The following CDH12 variants were observed in gnomAD, a reference collection of about 807,000 sequenced individuals.
CDH12 encodes cadherin-12.
In CDH12, 41 loss-of-function variants were observed where a neutral mutation model predicts 74.1. That is an observed-to-expected ratio of 0.55 (90% CI 0.43 to 0.72). The LOEUF (loss-of-function observed/expected upper bound fraction) is 0.72. Ranked by LOEUF, CDH12 falls within the 30% of genes least tolerant of loss-of-function variation. The probability of loss-of-function intolerance (pLI) is 0.00; values close to 1 mark genes in which losing one functional copy is unlikely to be tolerated. For synonymous variants in CDH12, 399 were observed against 355.0 expected (o/e 1.12, Z -1.39); for missense variants, 945 against 977.2 (o/e 0.97, Z 0.44).
chr5:22,054,740 T>C (rs1484638298), intron 5 of CDH12, among the ~76,000 whole-genome samples: 2 of 152,128 alleles, frequency 1.3e-5, no homozygotes, highest in African/African-American at 4.8e-5. Context: ...CAGTCTCTGA[T>C]TGAGGCCAAA....
At chr5:21,780,229 C>T (rs1221857653) in intron 11 of CDH12, among the ~76,000 whole-genome samples, 1 of 152,102 alleles carries the variant, frequency 6.6e-6, no homozygotes, top group Non-Finnish European at 1.5e-5. Flanking sequence ...TGTGACAGAG[C>T]CCGCATATGC....
At chr5:21,850,230 C>T (rs1471953054) in intron 7 of CDH12, among the ~76,000 whole-genome samples, 1 of 151,344 alleles carries the variant, frequency 6.6e-6, no homozygotes, top group Non-Finnish European at 1.5e-5. Flanking sequence ...ATCTAATATA[C>T]AACATGAGGA....
intron 6 of CDH12, among the ~76,000 whole-genome samples, chr5:21,872,532 G>T (rs1336953655): frequency 6.6e-6 from 1 of 152,126 alleles, no homozygotes; most frequent in Non-Finnish European, 1.5e-5. Context: ...AAATTCCATA[G>T]AAATAATGAT....
intron 4 of CDH12, among the ~76,000 whole-genome samples, chr5:22,115,089 A>G (rs1435964955): frequency 6.6e-6 from 1 of 152,156 alleles, no homozygotes; most frequent in African/African-American, 2.4e-5. Flanking sequence ...AACCACCCAG[A>G]TAAACACTCT....
At chr5:22,572,123 G>A (rs1036482538) in intron 1 of CDH12, among the ~76,000 whole-genome samples, 2 of 152,108 alleles carry the variant, frequency 1.3e-5, no homozygotes, top group Non-Finnish European at 2.9e-5. Flanking sequence ...GTCTTTACAA[G>A]TAAACATGGC....
chr5:22,227,536 A>T (rs12514937), intron 3 of CDH12, among the ~76,000 whole-genome samples: 57,869 of 151,930 alleles, frequency 0.38, 11,418 homozygotes, highest in East Asian at 0.49. Flanking sequence ...AACTTTGAAG[A>T]GCTGCTACAC....
intron 1 of CDH12, among the ~76,000 whole-genome samples, chr5:22,845,207 C>T (rs768993192): frequency 2.0e-5 from 3 of 151,946 alleles, no homozygotes; most frequent in Non-Finnish European, 4.4e-5. Flanking sequence ...ATTTTATTCC[C>T]CTAATCATTT....
chr5:21,840,720 A>G (rs553744413), intron 8 of CDH12, among the ~76,000 whole-genome samples: 255 of 152,196 alleles, frequency 1.7e-3, no homozygotes, highest in African/African-American at 5.8e-3. Context: ...CAACTATCTG[A>G]TCTTTGACAA....
intron 2 of CDH12, among the ~76,000 whole-genome samples, chr5:22,490,382 G>A (rs1435458223): frequency 6.6e-6 from 1 of 152,062 alleles, no homozygotes; most frequent in Non-Finnish European, 1.5e-5. Context: ...GTTTTATCTA[G>A]ATGTTATAGA....
At chr5:22,067,464 T>C (rs1741641974) in intron 5 of CDH12, among the ~76,000 whole-genome samples, 1 of 152,202 alleles carries the variant, frequency 6.6e-6, no homozygotes, top group South Asian at 2.1e-4. Flanking sequence ...TACATTACTC[T>C]GGCCCATTGA....
chr5:21,841,613 G>C (rs955326254), intron 8 of CDH12, among the ~76,000 whole-genome samples: 3 of 150,696 alleles, frequency 2.0e-5, no homozygotes, highest in Admixed American at 6.6e-5. Context: ...CAACCCAAAT[G>C]TCCAACAATG....
intron 5 of CDH12, among the ~76,000 whole-genome samples, chr5:22,042,322 A>C (rs73067180): frequency 3.3e-5 from 5 of 151,990 alleles, no homozygotes; most frequent in African/African-American, 1.2e-4. Context: ...GGCAGTAATA[A>C]ATAGAGACTT....
At chr5:22,852,788 A>T (rs999010526) in intron 1 of CDH12, among the ~76,000 whole-genome samples, 5 of 152,198 alleles carry the variant, frequency 3.3e-5, no homozygotes, top group African/African-American at 1.2e-4. Context: ...CCATGCTAAG[A>T]TGCATTTGAG....
chr5:21,917,684 C>G (rs373547959), intron 6 of CDH12, among the ~76,000 whole-genome samples: 1 of 152,120 alleles, frequency 6.6e-6, no homozygotes, highest in Non-Finnish European at 1.5e-5. Context: ...AACGTCCTTT[C>G]AATGAAACGC....
At chr5:22,328,454 A>G (rs1008866905) in intron 3 of CDH12, among the ~76,000 whole-genome samples, 1 of 152,224 alleles carries the variant, frequency 6.6e-6, no homozygotes, top group African/African-American at 2.4e-5. Context: ...CCATACATCT[A>G]GTTATTAATT....
chr5:21,817,844 T>C (rs1748149609), intron 8 of CDH12, among the ~76,000 whole-genome samples: 1 of 151,976 alleles, frequency 6.6e-6, no homozygotes, highest in South Asian at 2.1e-4. Context: ...AAAATGCTTA[T>C]TTTTACCACC....
At chr5:21,991,563 T>C (rs1757756550) in intron 5 of CDH12, among the ~76,000 whole-genome samples, 6 of 146,246 alleles carry the variant, frequency 4.1e-5, no homozygotes. Flanking sequence ...ATAACATTTA[T>C]ATATATGTAT....
intron 3 of CDH12, among the ~76,000 whole-genome samples, chr5:22,374,234 G>GA (rs1413042455): frequency 6.6e-6 from 1 of 151,458 alleles, no homozygotes; most frequent in African/African-American, 2.4e-5. Flanking sequence ...AATAGATCTA[G>GA]AAAAAAATGG....
intron 1 of CDH12, among the ~76,000 whole-genome samples, chr5:22,669,583 G>C (rs1273291597): frequency 6.6e-6 from 1 of 152,134 alleles, no homozygotes; most frequent in Admixed American, 6.6e-5. Context: ...GAAGTCACTG[G>C]GTCTTGTTCT....
Sources: allele counts gnomAD v4.1 joint callset (sites outside exome capture counted in the v4.1 genomes callset), GRCh38; gene constraint gnomAD v4.1.1; transcripts MANE v1.5; gene names NCBI Gene and HGNC (gene_info 2026-07-23, HGNC 2026-07-21).